EXOSC3: variants seen among roughly 807,000 people sequenced by gnomAD.
The protein encoded by EXOSC3 is exosome component 3, also known as exosome complex component RRP40.
EXOSC3 carries 18 observed loss-of-function variants against 25.1 expected under a neutral mutation model. That is an observed-to-expected ratio of 0.72 (90% CI 0.50 to 1.06). The LOEUF is 1.06. Among genes scored for constraint, EXOSC3 ranks in the 50% least tolerant of loss-of-function variants. The pLI is 0.00. For missense variants in EXOSC3, 382 were observed against 350.9 expected (o/e 1.09, Z -0.71); for synonymous variants, 165 against 132.2 (o/e 1.25, Z -1.70).
At chr9:37,782,447 ATT>A (rs1304950763) in intron 2 of EXOSC3, among the ~76,000 whole-genome samples, 1 of 152,248 alleles carries the variant, frequency 6.6e-6, no homozygotes, top group African/African-American at 2.4e-5. Context: ...AAAATTAGGT[ATT>A]TAAAATTAAT....
chr9:37,782,034 A>ATT lies in EXOSC3; in HGVS notation c.577_578insAA (p.Ile193LysfsTer11), dbSNP rs1564014258. ...TTTAAAAAGCAGACCATCCTGTCCA[A>ATT]TGACACCCATTCCATTGGCTCGTCC... On this transcript the variant is annotated frameshift_variant, in exon 3 of 4. Transcript: ENST00000327304. LOFTEE classifies it high-confidence loss of function. The ATT allele has an allele frequency of 6.2e-7, 1 of 1,614,040 alleles. No individual in the cohort carries two copies.
At chr9:37,782,271 C>A (rs1828612852) in intron 2 of EXOSC3, 134 bp from the exon 3 acceptor site, 2 of 854,690 alleles carry the variant, frequency 2.3e-6, no homozygotes, top group East Asian at 2.7e-5. Flanking sequence ...ATAGGATTCC[C>A]ACAGTCACTT....
rs1227641250 is a variant in EXOSC3, at chr9:37,784,074, A to C, written c.325-11T>G. On this transcript the variant is annotated splice_polypyrimidine_tract_variant and intron_variant, in intron 1 of 3. Transcript: ENST00000327304. ...TTTTACTGGAACATACTACAAAAAG[A>C]AACAGAATGAAAAAACAGCCATAAA... is the stretch of plus-strand genomic sequence containing the variant. 6.2e-7 allele frequency: 1 copy of C among 1,600,404 alleles called. No individual in the cohort carries two copies. Among genetic ancestry groups the C allele is most frequent in the Non-Finnish European group, 8.5e-7 (1 of 1,174,720 alleles).
rs1316402133 is a variant in EXOSC3, at chr9:37,785,041, C to A, written c.4G>T (p.Ala2Ser). 1.9e-5 allele frequency: 31 copies of A among 1,594,666 alleles called. No homozygotes were observed. Among genetic ancestry groups the A allele is most frequent in the Non-Finnish European group, 2.4e-5 (28 of 1,169,430 alleles). M[A>S]EPASVAAESL... ...TCAGCCGCGACAGACGCAGGTTCGG[C>A]CATCGCGGGCTCCACCAAACACCGT... Residue 2 changes from alanine (A) to serine (S), a missense_variant, in exon 1 of 4, where the codon GCC (alanine) becomes TCC (serine). Coordinates refer to ENST00000327304, the MANE Select transcript of EXOSC3 (RefSeq NM_016042.4).
chr9:37,780,276 C>T lies in EXOSC3; in HGVS notation c.*403G>A, dbSNP rs759997624. The T allele has an allele frequency of 1.0e-4, 19 of 181,358 alleles. No individual in the cohort carries two copies. The highest frequency in any genetic ancestry group is 2.4e-4 in the South Asian group (2 of 8,356). 11.2% of individuals were successfully genotyped at this position (181,358 alleles called of 1,614,324 possible). A position where few individuals can be genotyped will look rare whatever the true frequency, so the allele number is the denominator to read the frequency against. On this transcript the variant is annotated 3_prime_UTR_variant, in exon 4 of 4. Transcript: ENST00000327304. Reference sequence around the variant, plus strand: ...AGTATTTCGTTGTTATATACTCACCCGCTGAATAATGGGACTACAGGTGAC... The same window carrying T: ...AGTATTTCGTTGTTATATACTCACCTGCTGAATAATGGGACTACAGGTGAC...
At chr9:37,783,732 A>G (rs777036271) in intron 2 of EXOSC3, 182 bp downstream of exon 2, 3 of 435,038 alleles carry the variant, frequency 6.9e-6, no homozygotes, top group Non-Finnish European at 1.2e-5. Flanking sequence ...AAAAAATAAT[A>G]ATAATAATTA....
In EXOSC3 at chr9:37,783,895, C is replaced by G. The variant is rs776611730; in HGVS notation, c.474+19G>C. The G allele has an allele frequency of 6.2e-7, 1 of 1,603,866 alleles. No individual in the cohort carries two copies. Among genetic ancestry groups the G allele is most frequent in the African/African-American group, 1.3e-5 (1 of 74,294 alleles). Reference sequence around the variant, plus strand: ...GAATGGATGTTTGTTTCTTTGAAACCAAAGGCTCCCGTAATTACCTGCACA... The same window carrying G: ...GAATGGATGTTTGTTTCTTTGAAACGAAAGGCTCCCGTAATTACCTGCACA... On this transcript the variant is annotated intron_variant, in intron 2 of 3. Coordinates refer to ENST00000327304, the MANE Select transcript of EXOSC3 (RefSeq NM_016042.4).
In EXOSC3 at chr9:37,784,483, CTA is replaced by C. The variant is rs1828661563; in HGVS notation, c.324+236_324+237del. The C allele has an allele frequency of 1.2e-5, 7 of 585,298 alleles. No homozygotes were observed. In the East Asian group the frequency reaches 2.0e-4, roughly 17 times the overall value. The allele number at this position is 585,298 out of a possible 1,614,324, so 36.3% of individuals were successfully genotyped here. A position where few individuals can be genotyped will look rare whatever the true frequency, so the allele number is the denominator to read the frequency against. On this transcript the variant is annotated intron_variant, in intron 1 of 3. Coordinates refer to ENST00000327304, the MANE Select transcript of EXOSC3 (RefSeq NM_016042.4). Reference sequence around the variant, plus strand: ...CAGGCCTGCTGTGGGGTTTTGAAGACTATAATCATGACTCACGGTCTCCAAAC... The same window carrying C: ...CAGGCCTGCTGTGGGGTTTTGAAGACTAATCATGACTCACGGTCTCCAAAC...
chr9:37,785,045 C>T lies in EXOSC3; in HGVS notation c.-1G>A, dbSNP rs772984604. 3.1e-6 allele frequency: 5 copies of T among 1,593,672 alleles called. No homozygotes were observed. Among genetic ancestry groups the T allele is most frequent in the Non-Finnish European group, 4.3e-6 (5 of 1,169,014 alleles). On this transcript the variant is annotated 5_prime_UTR_variant, in exon 1 of 4. Coordinates refer to ENST00000327304, the MANE Select transcript of EXOSC3 (RefSeq NM_016042.4). ...CCGCGACAGACGCAGGTTCGGCCAT[C>T]GCGGGCTCCACCAAACACCGTTTCC...
At chr9:37,783,126 A>T (rs1828631884) in intron 2 of EXOSC3, among the ~76,000 whole-genome samples, 1 of 152,190 alleles carries the variant, frequency 6.6e-6, no homozygotes, top group Admixed American at 6.5e-5. Flanking sequence ...AGGGATGAGG[A>T]AAGACACCTG....
chr9:37,784,271 A>T (rs1828657024), intron 1 of EXOSC3: 1 of 544,922 alleles, frequency 1.8e-6, no homozygotes, highest in Non-Finnish European at 3.2e-6. Flanking sequence ...ATTATCTCTT[A>T]GGCACCCCAA....
intron 1 of EXOSC3, 48 bp downstream of exon 1, chr9:37,784,673 G>GA: frequency 6.5e-7 from 1 of 1,530,516 alleles, no homozygotes; most frequent in Non-Finnish European, 8.8e-7. Context: ...TCTCAAAGCA[G>GA]GGCTACCACT....
chr9:37,784,125 T>C, intron 1 of EXOSC3, 62 bp from the exon 2 acceptor site: 1 of 1,529,808 alleles, frequency 6.5e-7, no homozygotes, highest in Non-Finnish European at 8.8e-7. Context: ...GGAAGATACC[T>C]TCAGCAAGTC....
rs139911906 is a variant in EXOSC3, at chr9:37,780,719, T to G, written c.788A>C (p.Asp263Ala). ...TCTGGAGAAGATCTGTTTTCTTTGATCTGACGTCATGTGTTCACAAGCTTC... is the reference window on the plus strand; with the variant it reads ...TCTGGAGAAGATCTGTTTTCTTTGAGCTGACGTCATGTGTTCACAAGCTTC... Reference protein sequence around the residue: ...ILEACEHMTSDQRKQIFSRLA... With the variant: ...ILEACEHMTSAQRKQIFSRLA... The change falls in exon 4 of 4, where the codon GAT (aspartate) becomes GCT (alanine). Residue 263 changes from aspartate (D) to alanine (A), a missense_variant. By Grantham distance (126) the Asp-to-Ala change is moderately radical. Coordinates refer to ENST00000327304, the MANE Select transcript of EXOSC3 (RefSeq NM_016042.4). 3.1e-6 allele frequency: 5 copies of G among 1,613,862 alleles called. No individual in the cohort carries two copies. In the African/African-American group the frequency reaches 6.7e-5, roughly 22 times the overall value.
At chr9:37,784,671 C>G (rs749237338) in intron 1 of EXOSC3, 50 bp downstream of exon 1, 28 of 1,520,008 alleles carry the variant, frequency 1.8e-5, no homozygotes, top group Non-Finnish European at 2.3e-5. Flanking sequence ...CTTCTCAAAG[C>G]AGGGCTACCA....
intron 1 of EXOSC3, 25 bp downstream of exon 1, chr9:37,784,696 C>G (rs767879780): frequency 6.4e-7 from 1 of 1,568,530 alleles, no homozygotes; most frequent in Admixed American, 1.7e-5. Flanking sequence ...CACTGCCGCA[C>G]CACCCCTCCG....
rs1234445166 is a variant in EXOSC3, at chr9:37,784,913, G to A, written c.132C>T (p.Gly44=). The part of the protein sequence containing the change: ...LLLPEQEDAE[G]PGGAVERPLS... ...ACGGTCGCTCCACTGCACCCCCAGG[G>A]CCTTCCGCGTCCTCCTGTTCCGGCA... Residue 44 remains glycine (G), a synonymous_variant, in exon 1 of 4, where the codon GGC becomes GGT. Coordinates refer to ENST00000327304, the MANE Select transcript of EXOSC3 (RefSeq NM_016042.4). 2 of 1,608,448 alleles carry A rather than the reference G, an allele frequency of 1.2e-6. No homozygotes were observed. Among genetic ancestry groups the A allele is most frequent in the South Asian group, 1.1e-5 (1 of 90,064 alleles).
rs755175121 is a variant in EXOSC3 at position 37,780,696 on chromosome 9, TGGA to T, written c.808_810del (p.Ser270del). ...CACCTATATCAACTTTCTGCCAATC[TGGA>T]GAAGATCTGTTTTCTTTGATCTGAC... On this transcript the variant is annotated inframe_deletion, in exon 4 of 4. Transcript: ENST00000327304. 35 of 1,613,482 alleles carry T rather than the reference TGGA, an allele frequency of 2.2e-5. No homozygotes were observed. The highest frequency in any genetic ancestry group is 8.8e-5 in the South Asian group (8 of 91,046).
chr9:37,784,675 G>A (rs1451554915), intron 1 of EXOSC3, 46 bp downstream of exon 1: 2 of 1,534,614 alleles, frequency 1.3e-6, no homozygotes, highest in South Asian at 1.2e-5. Flanking sequence ...TCAAAGCAGG[G>A]CTACCACTCT....
Sources: gnomAD v4.1 joint callset for allele counts (sites outside exome capture counted in the v4.1 genomes callset) on GRCh38, gnomAD v4.1.1 for gene constraint, MANE v1.5 for transcripts, NCBI Gene and HGNC (gene_info 2026-07-23, HGNC 2026-07-21) for gene names.